EDARADD: variants seen among roughly 807,000 people sequenced by gnomAD.
EDARADD encodes EDAR associated via death domain.
EDARADD carries 20 observed loss-of-function variants against 25.6 expected under a neutral mutation model. The ratio of observed to expected loss-of-function variants is 0.78; its 90% confidence interval spans 0.55 to 1.14. The LOEUF is 1.14. Among genes scored for constraint, EDARADD ranks in the 50% most tolerant of loss-of-function variants. The probability of loss-of-function intolerance (pLI) is 0.00; values close to 1 mark genes in which losing one functional copy is unlikely to be tolerated. For synonymous variants in EDARADD, 86 were observed against 94.4 expected (o/e 0.91, Z 0.52); for missense variants, 225 against 270.1 (o/e 0.83, Z 1.17).
chr1:236,459,221 TC>T (rs1356261258), intron 4 of EDARADD, among the ~76,000 whole-genome samples: 1 of 152,142 alleles, frequency 6.6e-6, no homozygotes, highest in Non-Finnish European at 1.5e-5. Flanking sequence ...GTGCAAAAAC[TC>T]CCTGCCTGTC....
rs571278890 is a variant in EDARADD at position 236,359,112 on chromosome 1, C to CA, written c.-6+8276dup. Among the ~76,000 whole-genome samples, 955 of 152,242 alleles carry CA rather than the reference C, an allele frequency of 6.3e-3. 11 individuals are homozygous for CA. Among genetic ancestry groups the CA allele is most frequent in the African/African-American group, 0.022 (896 of 41,534 alleles). On this transcript the variant is annotated intron_variant, in intron 3 of 7. Coordinates refer to the EDARADD transcript ENST00000439430. ...TTGTAAAAGAGGTAAACTTGATCTT[C>CA]AAATTCTCCACATCTTTTTGGAACC...
intron 4 of EDARADD, among the ~76,000 whole-genome samples, chr1:236,437,120 C>T (rs1298063340): frequency 5.3e-5 from 8 of 152,142 alleles, no homozygotes; most frequent in African/African-American, 1.9e-4. Context: ...TGTGGATGCT[C>T]CAATCACAGA....
intron 3 of EDARADD, among the ~76,000 whole-genome samples, chr1:236,379,166 T>C (rs1439425869): frequency 6.6e-6 from 1 of 152,034 alleles, no homozygotes; most frequent in African/African-American, 2.4e-5. Flanking sequence ...GGTCAGGAGT[T>C]CGAGACCAGC....
At chr1:236,433,283 G>A (rs1271968358) in intron 4 of EDARADD, among the ~76,000 whole-genome samples, 8 of 148,050 alleles carry the variant, frequency 5.4e-5, no homozygotes, top group Non-Finnish European at 1.0e-4. Flanking sequence ...AACCCTGGGC[G>A]CGGTGGCTCA....
In EDARADD at chr1:236,405,819, T is replaced by TC. The variant is rs371362100; in HGVS notation, c.62-3395dup. Among the ~76,000 whole-genome samples, 1,207 of 123,376 alleles carry TC rather than the reference T, an allele frequency of 9.8e-3. 46 individuals are homozygous for TC. Among genetic ancestry groups the TC allele is most frequent in the African/African-American group, 0.036 (1,062 of 29,694 alleles). The allele number at this position is 123,376 out of a possible 152,430, so 80.9% of individuals were successfully genotyped here. ...CTTTTTCTTTCTTTCTTTCCTTCCT[T>TC]CCTTTCCTTCCTTCCTTCCTTCCTT... is the stretch of plus-strand genomic sequence containing the variant. On this transcript the variant is annotated intron_variant, in intron 1 of 5. Transcript: ENST00000334232.
intron 3 of EDARADD, among the ~76,000 whole-genome samples, chr1:236,370,605 G>A (rs1316513406): frequency 1.3e-5 from 2 of 152,206 alleles, no homozygotes; most frequent in African/African-American, 4.8e-5. Flanking sequence ...AGTCGGAGAT[G>A]AAATCATAAG....
intron 4 of EDARADD, among the ~76,000 whole-genome samples, chr1:236,447,000 A>G (rs1217712595): frequency 6.6e-6 from 1 of 152,170 alleles, no homozygotes; most frequent in African/African-American, 2.4e-5. Context: ...CTGACAGCCA[A>G]TGGGCGAGGA....
intron 2 of EDARADD, among the ~76,000 whole-genome samples, chr1:236,412,961 T>C (rs601403): frequency 0.67 from 102,540 of 152,172 alleles, 34,922 homozygotes; most frequent in Non-Finnish European, 0.7. Context: ...CTCCGCCTCC[T>C]GGGGCAATTC....
Position 236,468,264 on chromosome 1 carries a change from G to A in EDARADD, c.253G>A (p.Asp85Asn). The part of the protein sequence containing the change: ...EENGFPDSTG[D>N]PLPEISKDNS... ...AAATGGCTTTCCAGATAGCACTGGA[G>A]ATCCTCTTCCAGGTAAATGATTGAT... Residue 85 changes from aspartate (D) to asparagine (N), a missense_variant, in exon 5 of 6, where the codon GAT becomes AAT. Physicochemically the swap from Asp to Asn is conservative, Grantham distance 23. Transcript: ENST00000334232. 6.2e-7 allele frequency: 1 copy of A among 1,614,084 alleles called. No homozygotes were observed. The highest frequency in any genetic ancestry group is 2.2e-5 in the East Asian group (1 of 44,892).
chr1:236,447,365 T>C (rs1183297456), intron 4 of EDARADD, among the ~76,000 whole-genome samples: 1 of 151,924 alleles, frequency 6.6e-6, no homozygotes, highest in Non-Finnish European at 1.5e-5. Context: ...CAAGCAATTC[T>C]CCTGCCTCAG....
At chr1:236,427,572 G>C in intron 4 of EDARADD, 122 bp downstream of exon 4, 1 of 919,120 alleles carries the variant, frequency 1.1e-6, no homozygotes, top group Admixed American at 2.5e-5. Flanking sequence ...CATAAACAGG[G>C]TTTGCAAATG....
At chr1:236,365,743 A>G (rs1466969351) in intron 3 of EDARADD, among the ~76,000 whole-genome samples, 1 of 152,084 alleles carries the variant, frequency 6.6e-6, no homozygotes. Context: ...GACTCTTTTT[A>G]TCTATATGCT....
intron 4 of EDARADD, among the ~76,000 whole-genome samples, chr1:236,450,531 T>C (rs1484771776): frequency 6.6e-6 from 1 of 151,330 alleles, no homozygotes; most frequent in Non-Finnish European, 1.5e-5. Context: ...TCTAAGGACT[T>C]CCCTTCTCCC....
intron 3 of EDARADD, among the ~76,000 whole-genome samples, chr1:236,365,967 A>G (rs768550188): frequency 3.5e-4 from 54 of 152,292 alleles, no homozygotes; most frequent in Middle Eastern, 3.4e-3. Context: ...TGATTTGGGT[A>G]TTTTAAAAAT....
chr1:236,401,785 G>C (rs1004370321), intron 1 of EDARADD, among the ~76,000 whole-genome samples: 6 of 152,204 alleles, frequency 3.9e-5, no homozygotes, highest in Non-Finnish European at 7.3e-5. Flanking sequence ...GGAATTCCTA[G>C]TACCTCAGAA....
Position 236,483,240 on chromosome 1 carries a change from A to G in EDARADD, c.*591A>G. On this transcript the variant is annotated 3_prime_UTR_variant, in exon 6 of 6. Coordinates refer to ENST00000334232, the MANE Select transcript of EDARADD (RefSeq NM_145861.4). ...TCCCACTGTTGAGGTTGATCTCTTC[A>G]CCTCAGAAGGTCTCTTCAGAGCTGC... The G allele has an allele frequency of 6.3e-7, 1 of 1,595,582 alleles. No homozygotes were observed. Among genetic ancestry groups the G allele is most frequent in the Admixed American group, 1.7e-5 (1 of 59,786 alleles).
intron 4 of EDARADD, among the ~76,000 whole-genome samples, chr1:236,447,226 TTTCTTTC>T (rs1361880954): frequency 8.1e-6 from 1 of 122,806 alleles, no homozygotes; most frequent in East Asian, 2.2e-4. Flanking sequence ...CTTTCTTTCC[TTTCTTTC>T]CTTTCTTTCC....
intron 1 of EDARADD, among the ~76,000 whole-genome samples, chr1:236,397,078 G>T (rs1436848205): frequency 1.3e-5 from 2 of 152,056 alleles, no homozygotes; most frequent in Non-Finnish European, 2.9e-5. Flanking sequence ...CAGGCAAGAT[G>T]GGGGCTGGGA....
rs941550455 is a variant in EDARADD at position 236,476,897 on chromosome 1, C to A, written c.266-5370C>A. Among the ~76,000 whole-genome samples, 34 of 151,840 alleles carry A rather than the reference C, an allele frequency of 2.2e-4. 1 individual carries two copies. The highest frequency in any genetic ancestry group is 7.7e-4 in the African/African-American group (32 of 41,368). On this transcript the variant is annotated intron_variant, in intron 5 of 5. Transcript: ENST00000334232. ...ATGCCAGCTACTCGGGAGGCTGAGG[C>A]AGGAGGATTGCTTGAGCCCATGAAG...
Sources: gnomAD v4.1 joint callset for allele counts (sites outside exome capture counted in the v4.1 genomes callset) on GRCh38, gnomAD v4.1.1 for gene constraint, MANE v1.5 for transcripts, NCBI Gene and HGNC (gene_info 2026-07-23, HGNC 2026-07-21) for gene names.